PDE4D: variants seen among roughly 807,000 people sequenced by gnomAD.
PDE4D encodes phosphodiesterase 4D.
PDE4D carries 24 observed loss-of-function variants against 87.4 expected under a neutral mutation model. That is an observed-to-expected ratio of 0.27 (90% CI 0.20 to 0.39). The LOEUF (loss-of-function observed/expected upper bound fraction) is 0.39. Among genes scored for constraint, PDE4D ranks in the 10% least tolerant of loss-of-function variants. PDE4D has a pLI of 1.00. For synonymous variants in PDE4D, 384 were observed against 383.2 expected, an observed-to-expected ratio of 1.00 and a Z score of -0.02; for missense variants, 714 against 1,041.0, an observed-to-expected ratio of 0.69 and a Z score of 4.32.
intron 2 of PDE4D, among the ~76,000 whole-genome samples, chr5:59,202,762 A>T (rs567449483): frequency 6.6e-6 from 1 of 152,178 alleles, no homozygotes; most frequent in South Asian, 2.1e-4. Context: ...TCCACATAAG[A>T]TGTGAATTGC....
chr5:60,237,431 A>C (rs1562246855), intron 1 of PDE4D, among the ~76,000 whole-genome samples: 2 of 152,082 alleles, frequency 1.3e-5, no homozygotes, highest in Non-Finnish European at 1.5e-5. Context: ...AGCAATAAAA[A>C]GGAATGGATT....
chr5:59,713,667 TG>T (rs1357295812), intron 1 of PDE4D, among the ~76,000 whole-genome samples: 1 of 152,158 alleles, frequency 6.6e-6, no homozygotes, highest in Non-Finnish European at 1.5e-5. Flanking sequence ...ACATGGGTTG[TG>T]GTACCTGGTC....
chr5:60,029,559 C>A (rs1353072982), intron 2 of PDE4D, among the ~76,000 whole-genome samples: 1 of 152,206 alleles, frequency 6.6e-6, no homozygotes, highest in African/African-American at 2.4e-5. Flanking sequence ...GCCCTAACCA[C>A]CTTGGGTATA....
intron 2 of PDE4D, among the ~76,000 whole-genome samples, chr5:59,200,238 T>C (rs1343205469): frequency 6.9e-6 from 1 of 144,698 alleles, no homozygotes. Context: ...TACATATGTG[T>C]ATGTACAGCT....
chr5:60,042,706 C>A (rs1264750733), intron 2 of PDE4D, among the ~76,000 whole-genome samples: 2 of 152,174 alleles, frequency 1.3e-5, no homozygotes, highest in South Asian at 4.1e-4. Context: ...GCAGAGAGGC[C>A]TGACTGTTAG....
At position 60,365,463 on chromosome 5, in the gene PDE4D, C is replaced by G. The variant is rs148814245; in HGVS notation, c.-90+122479G>C. ...TTTGTCAAGTCCCTACCACTCCTTA[C>G]GGTTTTTTAAATCTCTCTCTGCATC... On this transcript the variant is annotated intron_variant, in intron 1 of 16. Coordinates refer to the PDE4D transcript ENST00000502484. Among the ~76,000 whole-genome samples the G allele has an allele frequency of 5.9e-3, 901 of 152,178 alleles. 6 individuals carry two copies. The highest frequency in any genetic ancestry group is 0.021 in the African/African-American group (854 of 41,558).
At chr5:60,072,698 T>A (rs759088019) in intron 2 of PDE4D, among the ~76,000 whole-genome samples, 15 of 152,084 alleles carry the variant, frequency 9.9e-5, no homozygotes, top group Admixed American at 2.0e-4. Context: ...GTGTACTGAA[T>A]GGGTCCAGTT....
At chr5:59,328,972 C>T (rs1025719233) in intron 1 of PDE4D, among the ~76,000 whole-genome samples, 3 of 152,200 alleles carry the variant, frequency 2.0e-5, no homozygotes, top group African/African-American at 7.2e-5. Context: ...GACCTCACTG[C>T]CCCTTTGTTG....
intron 6 of PDE4D, among the ~76,000 whole-genome samples, chr5:59,019,687 G>A (rs550900102): frequency 2.0e-5 from 3 of 152,228 alleles, no homozygotes; most frequent in African/African-American, 7.2e-5. Context: ...TAAATCCTCA[G>A]TATTCAAGAT....
At chr5:59,108,476 G>A (rs1486716910) in intron 5 of PDE4D, among the ~76,000 whole-genome samples, 1 of 152,190 alleles carries the variant, frequency 6.6e-6, no homozygotes, top group African/African-American at 2.4e-5. Flanking sequence ...GTGTGTGCAT[G>A]TGTGCATGGT....
At chr5:59,010,566 CTGTT>C (rs1254003022) in intron 6 of PDE4D, among the ~76,000 whole-genome samples, 5 of 152,002 alleles carry the variant, frequency 3.3e-5, no homozygotes, top group Non-Finnish European at 5.9e-5. Flanking sequence ...TCCTGGGAGA[CTGTT>C]TGTCAGTCAT....
chr5:59,614,409 C>G (rs952424529), intron 1 of PDE4D, among the ~76,000 whole-genome samples: 1 of 151,934 alleles, frequency 6.6e-6, no homozygotes, highest in African/African-American at 2.4e-5. Context: ...AAACCAAAGT[C>G]AAAGATTTCT....
intron 3 of PDE4D, among the ~76,000 whole-genome samples, chr5:59,920,045 T>C (rs1413617941): frequency 6.6e-6 from 1 of 152,248 alleles, no homozygotes. Context: ...ATTGTTTAAA[T>C]ATTTTAAAAT....
chr5:60,279,894 C>T (rs186395833), intron 1 of PDE4D, among the ~76,000 whole-genome samples: 1 of 151,862 alleles, frequency 6.6e-6, no homozygotes, highest in Non-Finnish European at 1.5e-5. Context: ...ATTGGCCAGG[C>T]TATTCTTGAA....
chr5:59,025,925 AG>A (rs1479069198), intron 6 of PDE4D, among the ~76,000 whole-genome samples: 1 of 152,220 alleles, frequency 6.6e-6, no homozygotes, highest in Non-Finnish European at 1.5e-5. Flanking sequence ...ACTGCTTGTC[AG>A]TAATAAAAGC....
At chr5:59,991,370 T>C (rs563339857) in intron 2 of PDE4D, among the ~76,000 whole-genome samples, 2 of 152,282 alleles carry the variant, frequency 1.3e-5, no homozygotes, top group African/African-American at 4.8e-5. Flanking sequence ...GTCTGAATTT[T>C]AGTATGCACC....
At chr5:60,227,162 C>A (rs995522532) in intron 1 of PDE4D, among the ~76,000 whole-genome samples, 3 of 152,022 alleles carry the variant, frequency 2.0e-5, no homozygotes, top group Non-Finnish European at 4.4e-5. Flanking sequence ...GTCACAAAAA[C>A]AAAATATGTT....
chr5:59,646,950 G>A (rs926923764), intron 1 of PDE4D, among the ~76,000 whole-genome samples: 1 of 152,044 alleles, frequency 6.6e-6, no homozygotes, highest in Non-Finnish European at 1.5e-5. Context: ...CAGGAGAATC[G>A]CTTGAACCCG....
At chr5:60,282,238 T>TATGTA (rs202140336) in intron 1 of PDE4D, among the ~76,000 whole-genome samples, 1 of 140,728 alleles carries the variant, frequency 7.1e-6, no homozygotes, top group African/African-American at 2.7e-5. Context: ...TATATATATA[T>TATGTA]TTCTCAAAAT....
Sources: allele counts gnomAD v4.1 joint callset (sites outside exome capture counted in the v4.1 genomes callset), GRCh38; gene constraint gnomAD v4.1.1; transcripts MANE v1.5; gene names NCBI Gene and HGNC (gene_info 2026-07-23, HGNC 2026-07-21).